The following SLC6A13 variants were observed in gnomAD, a reference collection of about 807,000 sequenced individuals.
SLC6A13 encodes solute carrier family 6 member 13, also known as sodium- and chloride-dependent GABA transporter 2.
SLC6A13 carries 69 observed loss-of-function variants against 72.9 expected under a neutral mutation model. The observed-to-expected ratio is 0.95, with a 90% CI of 0.78 to 1.16. The LOEUF (loss-of-function observed/expected upper bound fraction) is 1.16, where lower values mean the gene tolerates loss of function less well. Ranked by LOEUF, SLC6A13 falls within the 50% of genes most tolerant of loss-of-function variation. The pLI is 0.00. For synonymous variants in SLC6A13, 303 were observed against 303.0 expected, an observed-to-expected ratio of 1.00 and a Z score of 0.00; for missense variants, 735 against 760.5, an observed-to-expected ratio of 0.97 and a Z score of 0.39.
chr12:244,469 G>A lies in SLC6A13; in HGVS notation c.203-656C>T, dbSNP rs548883754. On this transcript the variant is annotated intron_variant, in intron 2 of 14. Coordinates refer to ENST00000343164, the MANE Select transcript of SLC6A13 (RefSeq NM_016615.5). Reference sequence around the variant, plus strand: ...TTTGGGAGGCTGAGGTGGGAGGATCGCTTGAGCCCAGGACTTCAAGACCAG... The same window carrying A: ...TTTGGGAGGCTGAGGTGGGAGGATCACTTGAGCCCAGGACTTCAAGACCAG... Among the ~76,000 whole-genome samples, 7 of 152,206 alleles carry A rather than the reference G, an allele frequency of 4.6e-5. No homozygotes were observed. In the South Asian group the frequency reaches 6.2e-4, roughly 14 times the overall value.
intron 7 of SLC6A13, among the ~76,000 whole-genome samples, chr12:232,218 C>G (rs1941737313): frequency 1.3e-5 from 2 of 152,226 alleles, no homozygotes; most frequent in Admixed American, 1.3e-4. Context: ...TTTTTCTCTG[C>G]CAGCCTACCT....
chr12:233,690 G>C (rs1020114364), intron 7 of SLC6A13, among the ~76,000 whole-genome samples: 2 of 152,148 alleles, frequency 1.3e-5, no homozygotes, highest in Non-Finnish European at 2.9e-5. Flanking sequence ...GGGGAGAGGA[G>C]GGGAGAAGGA....
chr12:223,909 G>T, intron 11 of SLC6A13, 83 bp downstream of exon 11: 1 of 1,523,910 alleles, frequency 6.6e-7, no homozygotes, highest in East Asian at 2.3e-5. Flanking sequence ...CTGACCGGGA[G>T]CCAGGGTATC....
intron 1 of SLC6A13, 136 bp downstream of exon 1, chr12:262,653 G>C: frequency 2.0e-6 from 2 of 981,774 alleles, no homozygotes; most frequent in Non-Finnish European, 2.4e-6. Flanking sequence ...CTTTGCATTT[G>C]CACACATACA....
At chr12:255,500 A>G (rs1258458122) in intron 2 of SLC6A13, among the ~76,000 whole-genome samples, 2 of 152,242 alleles carry the variant, frequency 1.3e-5, no homozygotes, top group African/African-American at 4.8e-5. Flanking sequence ...GTTCGAGACC[A>G]GCCTGGCCAA....
intron 4 of SLC6A13, among the ~76,000 whole-genome samples, chr12:242,235 C>T (rs748349401): frequency 1.3e-4 from 20 of 152,160 alleles, no homozygotes; most frequent in Non-Finnish European, 2.5e-4. Context: ...CCTCTGCCAC[C>T]CCTGACAAGC....
chr12:260,095 C>T, intron 1 of SLC6A13, 38 bp from the exon 2 acceptor site: 1 of 1,588,840 alleles, frequency 6.3e-7, no homozygotes, highest in African/African-American at 1.3e-5. Context: ...CTGTTGGGAA[C>T]CCCAGAAGGA....
At chr12:243,416 T>A (rs1201745693) in intron 3 of SLC6A13, among the ~76,000 whole-genome samples, 1 of 152,258 alleles carries the variant, frequency 6.6e-6, no homozygotes, top group Non-Finnish European at 1.5e-5. Context: ...AACATTGTTA[T>A]GTGTTTAAAA....
In SLC6A13 at chr12:237,363, T is replaced by C. The variant is rs979729521; in HGVS notation, c.564-73A>G. The C allele has an allele frequency of 3.9e-6, 6 of 1,543,874 alleles. No individual in the cohort carries two copies. In the African/African-American group the frequency reaches 6.8e-5, roughly 17 times the overall value. ...GTTTTGTGGCCCCGTCCTGGGACAG[T>C]GGAGCTGAGCCTGCCTCCAGGCTCT... On this transcript the variant is annotated intron_variant, in intron 5 of 14. Coordinates refer to ENST00000343164, the MANE Select transcript of SLC6A13 (RefSeq NM_016615.5).
chr12:225,341 C>T (rs116834256), intron 9 of SLC6A13, among the ~76,000 whole-genome samples: 3,335 of 152,290 alleles, frequency 0.022, 129 homozygotes, highest in African/African-American at 0.075. Flanking sequence ...ACCTGGCGTA[C>T]AGTCAACACT....
intron 7 of SLC6A13, among the ~76,000 whole-genome samples, chr12:232,229 G>T (rs1941738086): frequency 6.6e-6 from 1 of 152,156 alleles, no homozygotes; most frequent in Non-Finnish European, 1.5e-5. Flanking sequence ...CAGCCTACCT[G>T]CCTGTCACCT....
At chr12:245,023 GCA>G (rs1942300140) in intron 2 of SLC6A13, among the ~76,000 whole-genome samples, 1 of 152,238 alleles carries the variant, frequency 6.6e-6, no homozygotes, top group Non-Finnish European at 1.5e-5. Flanking sequence ...AAAGTGGACA[GCA>G]CAGTTCATAG....
intron 12 of SLC6A13, 48 bp from the exon 13 acceptor site, chr12:222,680 C>A (rs1394953545): frequency 2.4e-6 from 3 of 1,230,538 alleles, no homozygotes; most frequent in Non-Finnish European, 3.5e-6. Context: ...CATTCTTTGG[C>A]ACCCAGGACA....
At chr12:231,390 C>T (rs759606331) in intron 7 of SLC6A13, among the ~76,000 whole-genome samples, 3 of 152,188 alleles carry the variant, frequency 2.0e-5, no homozygotes, top group Non-Finnish European at 2.9e-5. Context: ...CATTTTGCAC[C>T]CTTCTCAAGT....
intron 2 of SLC6A13, among the ~76,000 whole-genome samples, chr12:252,053 T>A (rs1942573656): frequency 6.6e-6 from 1 of 152,224 alleles, no homozygotes; most frequent in Non-Finnish European, 1.5e-5. Flanking sequence ...ATAAAGGACT[T>A]GTGTGTTAGA....
intron 2 of SLC6A13, among the ~76,000 whole-genome samples, chr12:246,935 G>C (rs1249031935): frequency 1.3e-5 from 2 of 150,710 alleles, no homozygotes; most frequent in African/African-American, 4.9e-5. Flanking sequence ...TTGAACCTGG[G>C]AGGTGGAGGT....
intron 8 of SLC6A13, 113 bp from the exon 9 acceptor site, chr12:226,627 C>A: frequency 1.5e-6 from 2 of 1,334,024 alleles, no homozygotes; most frequent in East Asian, 5.2e-5. Context: ...GTCCTGGCCC[C>A]TTCACGGACG....
At chr12:261,234 C>T (rs1942917264) in intron 1 of SLC6A13, among the ~76,000 whole-genome samples, 1 of 152,204 alleles carries the variant, frequency 6.6e-6, no homozygotes, top group Non-Finnish European at 1.5e-5. Context: ...AGGCACTTCA[C>T]ATACATTCTT....
intron 1 of SLC6A13, among the ~76,000 whole-genome samples, chr12:261,218 T>C (rs1489953691): frequency 6.6e-6 from 1 of 152,234 alleles, no homozygotes; most frequent in African/African-American, 2.4e-5. Context: ...GCAACTACTA[T>C]AGACTAGGCA....
Sources: gnomAD v4.1 joint callset for allele counts (sites outside exome capture counted in the v4.1 genomes callset) on GRCh38, gnomAD v4.1.1 for gene constraint, MANE v1.5 for transcripts, NCBI Gene and HGNC (gene_info 2026-07-23, HGNC 2026-07-21) for gene names.